MTX3: variants seen among roughly 807,000 people sequenced by gnomAD.
MTX3 encodes metaxin 3, also known as metaxin-3.
Under a neutral mutation model 42.5 loss-of-function variants are expected in MTX3, and 27 were observed. The ratio of observed to expected loss-of-function variants is 0.64; its 90% CI spans 0.47 to 0.88. MTX3 has a LOEUF of 0.88. Ranked by LOEUF, MTX3 falls within the 40% of genes least tolerant of loss-of-function variation. The pLI, the probability that MTX3 is intolerant of heterozygous loss-of-function variation, is 0.00. For synonymous variants in MTX3, 144 were observed against 132.9 expected (o/e 1.08, Z -0.57); for missense variants, 378 against 367.0 (o/e 1.03, Z -0.25).
chr5:79,979,129 T>C lies in MTX3; in HGVS notation c.*4555A>G, dbSNP rs1292317549. On this transcript the variant is annotated 3_prime_UTR_variant, in exon 9 of 9. Coordinates refer to ENST00000512528, the MANE Select transcript of MTX3 (RefSeq NM_001363818.2). ...AATCACAATTTAAGTCCAGGGCAGG[T>C]ATCCTGGGCTCCTAGCAAACACTAC... 6.6e-6 allele frequency: 1 copy of C among 152,588 alleles called. No individual in the cohort carries two copies. The highest frequency in any genetic ancestry group is 1.5e-5 in the Non-Finnish European group (1 of 68,036). The allele number at this position is 152,588 out of a possible 1,614,324, so 9.5% of individuals were successfully genotyped here.
At chr5:79,990,344 G>A (rs1228686075) in intron 2 of MTX3, 108 bp from the exon 3 acceptor site, 6 of 784,950 alleles carry the variant, frequency 7.6e-6, no homozygotes, top group Non-Finnish European at 1.2e-5. Flanking sequence ...GAAAAAATGA[G>A]TAAGCTTGTC....
At chr5:79,983,831 G>T in intron 8 of MTX3, 37 bp from the exon 9 acceptor site, 1 of 1,406,214 alleles carries the variant, frequency 7.1e-7, no homozygotes, top group African/African-American at 1.4e-5. Context: ...GACTAATGCT[G>T]TGGCACCGCT....
In MTX3 at chr5:79,990,678, G is replaced by A. The variant is rs1365810200; in HGVS notation, c.82-15C>T. The A allele has an allele frequency of 6.2e-7, 1 of 1,605,340 alleles. No individual in the cohort carries two copies. ...TTGGCATAAGCCTGAAACAGAGTTT[G>A]CAATCAAACATTTTAGACCAAGTGC... On this transcript the variant is annotated splice_polypyrimidine_tract_variant and intron_variant, in intron 1 of 8. Coordinates refer to ENST00000512528, the MANE Select transcript of MTX3 (RefSeq NM_001363818.2).
chr5:79,985,778 A>G, intron 7 of MTX3, 119 bp from the exon 8 acceptor site: 1 of 632,884 alleles, frequency 1.6e-6, no homozygotes, highest in South Asian at 2.1e-5. Flanking sequence ...CTCCCCAAAA[A>G]AGGCAAAGAG....
chr5:79,985,233 G>A (rs756293711), intron 8 of MTX3, among the ~76,000 whole-genome samples: 2 of 151,978 alleles, frequency 1.3e-5, no homozygotes, highest in African/African-American at 2.4e-5. Context: ...TGCCCGCCTC[G>A]GCCTCCCAAA....
chr5:79,983,778 C>T lies in MTX3; in HGVS notation c.845G>A (p.Arg282His), dbSNP rs371792155. The T allele has an allele frequency of 8.7e-5, 140 of 1,612,498 alleles. No homozygotes were observed. In the African/African-American group the frequency reaches 1.7e-3, roughly 20 times the overall value. ...NLIEKMDDNLRQSPQLPPRKL... is the reference protein window; with the variant it reads ...NLIEKMDDNLHQSPQLPPRKL... ...CCGAGGAGGAAGCTGAGGGCTTTGG[C>T]GAAGATTGTCATCCATCTGTAGAAA... The change falls in exon 9 of 9, where the codon CGC (arginine) becomes CAC (histidine). Residue 282 changes from arginine (R) to histidine (H), a missense_variant. Coordinates refer to ENST00000512528, the MANE Select transcript of MTX3 (RefSeq NM_001363818.2).
chr5:79,983,731 T>C lies in MTX3; in HGVS notation c.892A>G (p.Thr298Ala), dbSNP rs1303813408. Residue 298 changes from threonine (T) to alanine (A), a missense_variant, in exon 9 of 9, where the codon ACT (threonine) becomes GCT (alanine). Thr to Ala is a moderately conservative substitution (Grantham distance 58). Transcript: ENST00000512528. ...PPRKLPTLKL[T>A]PAEEENNSFQ... ...GAATTATTTTCTTCTTCTGCTGGAG[T>C]CAATTTAAGTGTTGGCAGTTTCCGA... 2.5e-6 allele frequency: 4 copies of C among 1,613,790 alleles called. No homozygotes were observed.
rs542176673 is a variant in MTX3, at chr5:79,986,998, G to A, written c.691C>T (p.Arg231Cys). 2.8e-5 allele frequency: 45 copies of A among 1,614,002 alleles called. No homozygotes were observed. In the African/African-American group the frequency reaches 4.9e-4, roughly 18 times the overall value. The change falls in exon 7 of 9, where the codon CGC (arginine) becomes TGC (cysteine). Residue 231 changes from arginine to cysteine, a missense_variant. By Grantham distance (180) the Arg-to-Cys change is radical (BLOSUM62 -3). Transcript: ENST00000512528. ...EHLKQLSNLC[R>C]FCDDILSSYF... ...CTGCTCAGGATGTCATCACAAAAGC[G>A]ACAGAGGTTGGAGAGCTGTTTCAGA... is the stretch of plus-strand genomic sequence containing the variant.
At chr5:79,986,734 C>A (rs1177738461) in intron 7 of MTX3, 2 of 577,034 alleles carry the variant, frequency 3.5e-6, no homozygotes, top group East Asian at 3.2e-5. Flanking sequence ...AAAAATCCAG[C>A]GGAATAGATA....
At chr5:79,990,830 T>C (rs1831635057) in intron 1 of MTX3, 167 bp from the exon 2 acceptor site, 1 of 725,880 alleles carries the variant, frequency 1.4e-6, no homozygotes, top group East Asian at 2.7e-5. Flanking sequence ...CCACCCGGCT[T>C]TCGAGGACTT....
chr5:79,990,799 A>C (rs1334542352), intron 1 of MTX3, 136 bp from the exon 2 acceptor site: 59 of 767,462 alleles, frequency 7.7e-5, no homozygotes, highest in Non-Finnish European at 1.1e-4. Flanking sequence ...CCGTGATCTC[A>C]AGTAGGGACG....
intron 7 of MTX3, among the ~76,000 whole-genome samples, chr5:79,986,480 T>G (rs1361083200): frequency 6.6e-6 from 1 of 152,242 alleles, no homozygotes; most frequent in African/African-American, 2.4e-5. Context: ...TCCATTCTGA[T>G]GCAATCAGTT....
At position 79,982,316 on chromosome 5, in the gene MTX3, G is replaced by T; in HGVS notation, c.*1368C>A. ...AACTACCTAAATACAGAACAAATTG[G>T]GAGGATGTGGGTCAAACACAGCTGA... On this transcript the variant is annotated 3_prime_UTR_variant, in exon 9 of 9. Transcript: ENST00000512528. 4.5e-6 allele frequency: 2 copies of T among 439,872 alleles called. No homozygotes were observed. The highest frequency in any genetic ancestry group is 1.6e-5 in the South Asian group (1 of 60,960). The allele number at this position is 439,872 out of a possible 1,614,324, so 27.2% of individuals were successfully genotyped here.
rs1038714501 is a variant in MTX3, at chr5:79,977,310, T to C, written c.*6374A>G. 2.0e-5 allele frequency: 3 copies of C among 152,262 alleles called. No homozygotes were observed. Among genetic ancestry groups the C allele is most frequent in the East Asian group, 1.9e-4 (1 of 5,202 alleles). 9.4% of individuals were successfully genotyped at this position (152,262 alleles called of 1,614,324 possible). ...ATAAATGGCCCCATGACCTTCTCTA[T>C]GGTTCATGACTTACTGAGGGCTGAT... On this transcript the variant is annotated 3_prime_UTR_variant, in exon 9 of 9. Transcript: ENST00000512528.
At chr5:79,987,760 G>C (rs972686254) in intron 6 of MTX3, among the ~76,000 whole-genome samples, 1 of 152,140 alleles carries the variant, frequency 6.6e-6, no homozygotes, top group African/African-American at 2.4e-5. Context: ...GTCAATGTTA[G>C]ATTATCACTG....
rs777536315 is a variant in MTX3 at position 79,990,240 on chromosome 5, T to C, written c.152-4A>G. The C allele has an allele frequency of 1.0e-5, 16 of 1,601,202 alleles. No individual in the cohort carries two copies. The highest frequency in any genetic ancestry group is 2.3e-5 in the South Asian group (2 of 88,802). On this transcript the variant is annotated splice_polypyrimidine_tract_variant and splice_region_variant and intron_variant, in intron 2 of 8. Transcript: ENST00000512528. ...GTTGTCAAAATTGGTACATCGCCTA[T>C]AATCAAAAAACAGTTTACATACAAG...
At chr5:79,989,323 T>A (rs1244808894) in intron 3 of MTX3, 79 bp from the exon 4 acceptor site, 5 of 878,350 alleles carry the variant, frequency 5.7e-6, no homozygotes, top group Non-Finnish European at 6.9e-6. Context: ...AAATCAGGAT[T>A]CATATTTTTC....
At position 79,982,219 on chromosome 5, in the gene MTX3, T is replaced by C. The variant is rs1831388826; in HGVS notation, c.*1465A>G. The C allele has an allele frequency of 6.7e-6, 2 of 298,834 alleles. No individual in the cohort carries two copies. The highest frequency in any genetic ancestry group is 4.3e-5 in the Admixed American group (1 of 23,018). The allele number at this position is 298,834 out of a possible 1,614,324, so 18.5% of individuals were successfully genotyped here. A position where few individuals can be genotyped will look rare whatever the true frequency, so the allele number is the denominator to read the frequency against. On this transcript the variant is annotated 3_prime_UTR_variant, in exon 9 of 9. Coordinates refer to ENST00000512528, the MANE Select transcript of MTX3 (RefSeq NM_001363818.2). ...AACAGATGACCAAGATTTTGAAGAC[T>C]ACCTTATTTCTCACTTAGTTAAAAC...
At chr5:79,988,780 G>A in intron 4 of MTX3, 136 bp from the exon 5 acceptor site, 4 of 786,674 alleles carry the variant, frequency 5.1e-6, no homozygotes, top group Non-Finnish European at 5.9e-6. Flanking sequence ...AATGACTCAG[G>A]ATAAAACAAG....
Sources: allele counts gnomAD v4.1 joint callset (sites outside exome capture counted in the v4.1 genomes callset), GRCh38; gene constraint gnomAD v4.1.1; transcripts MANE v1.5; gene names NCBI Gene and HGNC (gene_info 2026-07-23, HGNC 2026-07-21).